Variants in CADPS2 observed in about 807,000 individuals in gnomAD.
CADPS2 encodes calcium-dependent secretion activator 2.
CADPS2 carries 93 observed loss-of-function variants against 172.5 expected under a neutral mutation model. That is an observed-to-expected ratio of 0.54 (90% confidence interval 0.46 to 0.64). The LOEUF is 0.64. Among genes scored for constraint, CADPS2 ranks in the 30% least tolerant of loss-of-function variants. The pLI, the probability that CADPS2 is intolerant of heterozygous loss-of-function variation, is 0.00. For missense variants in CADPS2, 1,420 were observed against 1,565.9 expected (o/e 0.91, Z 1.57); for synonymous variants, 546 against 555.2 (o/e 0.98, Z 0.23).
At chr7:122,478,647 G>A (rs1011746991) in intron 12 of CADPS2, among the ~76,000 whole-genome samples, 1 of 152,102 alleles carries the variant, frequency 6.6e-6, no homozygotes, top group African/African-American at 2.4e-5. Flanking sequence ...AGGATAAGTA[G>A]GCTGACAGTA....
intron 1 of CADPS2, among the ~76,000 whole-genome samples, chr7:122,836,129 A>G (rs995282057): frequency 1.3e-5 from 2 of 152,228 alleles, no homozygotes; most frequent in Admixed American, 1.3e-4. Flanking sequence ...AATATTCAAC[A>G]TTCTTAAAGA....
intron 8 of CADPS2, among the ~76,000 whole-genome samples, chr7:122,527,312 A>G (rs2061314931): frequency 6.6e-6 from 1 of 151,974 alleles, no homozygotes; most frequent in South Asian, 2.1e-4. Flanking sequence ...AAATGGCTTC[A>G]ATCTCACAGC....
At chr7:122,468,014 C>T (rs1429276801) in intron 14 of CADPS2, among the ~76,000 whole-genome samples, 1 of 152,074 alleles carries the variant, frequency 6.6e-6, no homozygotes, top group Non-Finnish European at 1.5e-5. Flanking sequence ...CTGTTTAACT[C>T]TATTCTTTTA....
At chr7:122,482,837 C>T (rs2152271266) in intron 11 of CADPS2, among the ~76,000 whole-genome samples, 1 of 152,224 alleles carries the variant, frequency 6.6e-6, no homozygotes, top group African/African-American at 2.4e-5. Context: ...CAGCAAGAGA[C>T]TCTCAAGATC....
chr7:122,839,561 A>G (rs1299638606), intron 1 of CADPS2, among the ~76,000 whole-genome samples: 1 of 152,212 alleles, frequency 6.6e-6, no homozygotes, highest in African/African-American at 2.4e-5. Flanking sequence ...AGAATCTACA[A>G]AGAACTCAAA....
At chr7:122,820,396 G>A (rs1466385927) in intron 1 of CADPS2, among the ~76,000 whole-genome samples, 2 of 151,878 alleles carry the variant, frequency 1.3e-5, no homozygotes, top group Non-Finnish European at 2.9e-5. Context: ...CCTGCCAATT[G>A]CATCCGACTG....
chr7:122,815,892 T>C (rs935272253), intron 1 of CADPS2, among the ~76,000 whole-genome samples: 11 of 152,206 alleles, frequency 7.2e-5, no homozygotes, highest in African/African-American at 1.2e-4. Context: ...AAAAGTTTTA[T>C]TGATACCTAA....
chr7:122,840,387 C>A (rs1338960090), intron 1 of CADPS2, among the ~76,000 whole-genome samples: 1 of 151,718 alleles, frequency 6.6e-6, no homozygotes, highest in Non-Finnish European at 1.5e-5. Context: ...ATGTAACAAA[C>A]CTGCACGTTT....
At chr7:122,632,834 A>G (rs1053153817) in intron 3 of CADPS2, among the ~76,000 whole-genome samples, 1 of 152,210 alleles carries the variant, frequency 6.6e-6, no homozygotes, top group Non-Finnish European at 1.5e-5. Flanking sequence ...TTGAAGTCTT[A>G]CATTTAAGTC....
intron 1 of CADPS2, among the ~76,000 whole-genome samples, chr7:122,752,537 A>C (rs1254209267): frequency 1.3e-5 from 2 of 152,222 alleles, no homozygotes; most frequent in Non-Finnish European, 2.9e-5. Context: ...AATTACATGA[A>C]GTAATGAAGA....
Position 122,554,640 on chromosome 7 carries a change from C to T in CADPS2, c.1385G>A (p.Arg462Gln), listed in dbSNP as rs775661950. 1.1e-5 allele frequency: 18 copies of T among 1,610,656 alleles called. No individual in the cohort carries two copies. The highest frequency in any genetic ancestry group is 8.0e-5 in the African/African-American group (6 of 74,718). The change falls in exon 8 of 30, where the codon CGA becomes CAA. Residue 462 changes from arginine (R) to glutamine (Q), a missense_variant. Transcript: ENST00000449022. ...SNSSKSAELH[R>Q]MVVPKNSQDS... ...CTGGCTATTTTTTGGAACTACCATT[C>T]GGTGTAATTCAGCTGATTTGGAGCT...
intron 25 of CADPS2, among the ~76,000 whole-genome samples, chr7:122,362,606 TCTC>T (rs2040304196): frequency 6.6e-6 from 1 of 152,164 alleles, no homozygotes. Context: ...GCCCTACATC[TCTC>T]CTCCTTAGAA....
At chr7:122,555,946 GACA>G (rs1487483769) in intron 7 of CADPS2, among the ~76,000 whole-genome samples, 2 of 151,942 alleles carry the variant, frequency 1.3e-5, no homozygotes, top group East Asian at 3.9e-4. Flanking sequence ...CTCTAGGAAA[GACA>G]ACACAGTCAT....
intron 4 of CADPS2, among the ~76,000 whole-genome samples, chr7:122,628,461 C>T (rs1363950465): frequency 6.6e-6 from 1 of 151,586 alleles, no homozygotes; most frequent in Non-Finnish European, 1.5e-5. Flanking sequence ...GAGAGGGAGA[C>T]TATCCATCAA....
At chr7:122,529,263 A>G (rs1186558049) in intron 8 of CADPS2, among the ~76,000 whole-genome samples, 1 of 152,106 alleles carries the variant, frequency 6.6e-6, no homozygotes, top group Non-Finnish European at 1.5e-5. Context: ...ATTAGTTCAA[A>G]TAACTAAATA....
intron 28 of CADPS2, among the ~76,000 whole-genome samples, chr7:122,338,088 C>T (rs1043890716): frequency 9.1e-4 from 138 of 152,286 alleles, no homozygotes; most frequent in African/African-American, 3.2e-3. Flanking sequence ...GTACACAACA[C>T]AACAATGTTT....
intron 2 of CADPS2, chr7:122,701,844 G>A (rs768361578): frequency 6.3e-7 from 1 of 1,583,186 alleles, no homozygotes. Context: ...TAAGTTTTCA[G>A]GATGTCACAC....
chr7:122,439,864 G>C lies in CADPS2; in HGVS notation c.2353-1400C>G, dbSNP rs377613852. ...GAACGTTACTATTATACTTCCCATG[G>C]CAACAAACTTTACATAACAAAAATG... On this transcript the variant is annotated intron_variant, in intron 16 of 29. Coordinates refer to ENST00000449022, the MANE Select transcript of CADPS2 (RefSeq NM_017954.11). 1.6e-3 allele frequency among the ~76,000 whole-genome samples: 248 copies of C among 152,092 alleles called. 1 individual carries two copies. The Middle Eastern group carries it at 0.031, about 19-fold the overall frequency.
chr7:122,873,314 C>T (rs964149060), intron 1 of CADPS2, among the ~76,000 whole-genome samples: 1 of 152,092 alleles, frequency 6.6e-6, no homozygotes, highest in Non-Finnish European at 1.5e-5. Flanking sequence ...TAATGCTCTC[C>T]CTCCTCTAGC....
Sources: gnomAD v4.1 joint callset for allele counts (sites outside exome capture counted in the v4.1 genomes callset) on GRCh38, gnomAD v4.1.1 for gene constraint, MANE v1.5 for transcripts, NCBI Gene and HGNC (gene_info 2026-07-23, HGNC 2026-07-21) for gene names.